Variants in HERC4 observed in about 807,000 individuals in gnomAD.
HERC4 encodes the protein HECT and RLD domain containing E3 ubiquitin protein ligase 4, also known as probable E3 ubiquitin-protein ligase HERC4.
HERC4 carries 28 observed loss-of-function variants against 124.3 expected under a neutral mutation model. That is an observed-to-expected ratio of 0.23 (90% CI 0.17 to 0.31). The LOEUF (loss-of-function observed/expected upper bound fraction) is 0.31, where lower values mean the gene tolerates loss of function less well. Ranked by LOEUF, HERC4 falls within the 10% of genes least tolerant of loss-of-function variation. The pLI is 1.00. For missense variants in HERC4, 713 were observed against 1,229.3 expected (o/e 0.58, Z 6.28); for synonymous variants, 407 against 421.5 (o/e 0.97, Z 0.42).
chr10:67,976,594 CA>C (rs1189722728), intron 15 of HERC4, among the ~76,000 whole-genome samples: 43 of 152,150 alleles, frequency 2.8e-4, no homozygotes, highest in Non-Finnish European at 1.0e-4. Context: ...TCCTGAGAAC[CA>C]AAAATCAGGT....
intron 14 of HERC4, among the ~76,000 whole-genome samples, chr10:67,989,263 A>C (rs2036427433): frequency 6.6e-6 from 1 of 152,078 alleles, no homozygotes; most frequent in South Asian, 2.1e-4. Context: ...TATGGTTGAA[A>C]TATTGTGAAC....
intron 3 of HERC4, among the ~76,000 whole-genome samples, chr10:68,072,354 A>G (rs927510507): frequency 1.3e-5 from 2 of 152,240 alleles, no homozygotes; most frequent in African/African-American, 4.8e-5. Context: ...GCAATGCTAC[A>G]GAAAGTAGAA....
chr10:68,035,819 C>A (rs1339307721), intron 5 of HERC4, among the ~76,000 whole-genome samples: 1 of 152,210 alleles, frequency 6.6e-6, no homozygotes, highest in Non-Finnish European at 1.5e-5. Context: ...TCTCTCCCAG[C>A]AGGAGCCTTC....
intron 15 of HERC4, among the ~76,000 whole-genome samples, chr10:67,981,866 G>C (rs562186284): frequency 3.9e-5 from 6 of 152,154 alleles, no homozygotes; most frequent in African/African-American, 1.2e-4. Flanking sequence ...ACTTGAATCG[G>C]GGGGGTGGAG....
At chr10:68,039,032 C>G (rs2039621700) in intron 4 of HERC4, among the ~76,000 whole-genome samples, 1 of 151,502 alleles carries the variant, frequency 6.6e-6, no homozygotes, top group South Asian at 2.1e-4. Context: ...ATGCGGATTA[C>G]AGGTGGGTTA....
rs59169970 is a variant in HERC4 at position 68,061,532 on chromosome 10, CAAAAAAA to C, written c.226+11344_226+11350del. On this transcript the variant is annotated intron_variant, in intron 3 of 24. Transcript: ENST00000373700. ...TGGGCGACAGAGCAAGACTCCGTCT[CAAAAAAA>C]AAAAAAAAAAAAAAAAAAAAAGGAA... Among the ~76,000 whole-genome samples the C allele has an allele frequency of 4.7e-3, 66 of 13,970 alleles. No individual in the cohort carries two copies. The South Asian group carries it at 0.097, about 20-fold the overall frequency. The allele number at this position is 13,970 out of a possible 152,430, so 9.2% of individuals were successfully genotyped here. A position where few individuals can be genotyped will look rare whatever the true frequency, so the allele number is the denominator to read the frequency against.
intron 15 of HERC4, among the ~76,000 whole-genome samples, chr10:67,982,141 A>C (rs935468169): frequency 1.3e-5 from 2 of 152,132 alleles, no homozygotes. Context: ...ACCACAAAAG[A>C]CCCAGAATAG....
rs2039896959 is a variant in HERC4, at chr10:68,043,910, T to C, written c.386+494A>G. ...GCTTATTTTTTAATTGTGAAATAATTATATGATGAATTAATTAAATTGGGC... is the reference window on the plus strand; with the variant it reads ...GCTTATTTTTTAATTGTGAAATAATCATATGATGAATTAATTAAATTGGGC... On this transcript the variant is annotated intron_variant, in intron 4 of 24. Transcript: ENST00000373700. Among the ~76,000 whole-genome samples, 4 of 152,168 alleles carry C rather than the reference T, an allele frequency of 2.6e-5. 1 individual carries two copies. In the South Asian group the frequency reaches 8.3e-4, roughly 31 times the overall value.
intron 4 of HERC4, chr10:68,039,584 T>C: frequency 6.6e-7 from 1 of 1,507,106 alleles, no homozygotes; most frequent in Non-Finnish European, 8.9e-7. Context: ...GTTATGCTCT[T>C]AACTACAAAA....
At chr10:67,947,947 C>T (rs1169737407) in intron 19 of HERC4, among the ~76,000 whole-genome samples, 1 of 150,844 alleles carries the variant, frequency 6.6e-6, no homozygotes, top group Non-Finnish European at 1.5e-5. Context: ...CCTTGGCCTC[C>T]CAAAGTGGTG....
At chr10:68,050,628 C>T (rs545644149) in intron 3 of HERC4, among the ~76,000 whole-genome samples, 22 of 152,290 alleles carry the variant, frequency 1.4e-4, no homozygotes, top group Non-Finnish European at 2.2e-4. Flanking sequence ...ACTTTTTAGA[C>T]ATCAAATACA....
Position 68,073,075 on chromosome 10 carries a change from G to A in HERC4, c.34C>T (p.Leu12=). The stretch of plus-strand genomic sequence containing the variant: ...TCTTCATCAATTCCACCCAAACCTA[G>A]CTGCCCAAAGGATGCATTTCCCCAG... ...LCWGNASFGQ[L]GLGGIDEEIV... Residue 12 remains leucine (L), a synonymous_variant, in exon 3 of 25, where the codon CTA becomes TTA. Coordinates refer to ENST00000373700, the MANE Select transcript of HERC4 (RefSeq NM_015601.4). 1 of 1,613,854 alleles carries A rather than the reference G, an allele frequency of 6.2e-7. No individual in the cohort carries two copies. The highest frequency in any genetic ancestry group is 8.5e-7 in the Non-Finnish European group (1 of 1,179,910).
chr10:67,942,993 T>A (rs774826210), intron 19 of HERC4, among the ~76,000 whole-genome samples: 1 of 152,252 alleles, frequency 6.6e-6, no homozygotes, highest in Non-Finnish European at 1.5e-5. Context: ...TATGTGCTCA[T>A]GAAATATCTC....
rs77290846 is a variant in HERC4 at position 68,012,998 on chromosome 10, A to G, written c.1069+1028T>C. On this transcript the variant is annotated intron_variant, in intron 9 of 24. Coordinates refer to ENST00000373700, the MANE Select transcript of HERC4 (RefSeq NM_015601.4). ...GGATGCCACAAACCACATCCATATAATAAGAACACAGGCATGCCGCATTTT... is the reference window on the plus strand; with the variant it reads ...GGATGCCACAAACCACATCCATATAGTAAGAACACAGGCATGCCGCATTTT... Among the ~76,000 whole-genome samples the G allele has an allele frequency of 6.0e-3, 910 of 152,334 alleles. 44 individuals carry two copies. The East Asian group carries it at 0.11, about 18-fold the overall frequency.
intron 3 of HERC4, among the ~76,000 whole-genome samples, chr10:68,064,115 CG>C (rs1564615563): frequency 2.6e-5 from 4 of 151,546 alleles, no homozygotes; most frequent in Non-Finnish European, 5.9e-5. Flanking sequence ...TGGTGGCACA[CG>C]CCTGTAATCC....
chr10:67,946,256 A>C (rs1384329102), intron 19 of HERC4, among the ~76,000 whole-genome samples: 3 of 151,674 alleles, frequency 2.0e-5, no homozygotes, highest in South Asian at 2.1e-4. Context: ...TCCAAAAAAA[A>C]AAAAGATGCA....
rs767450699 is a variant in HERC4, at chr10:67,932,645, T to C, written c.2790A>G (p.Gln930=). The part of the protein sequence containing the change: ...VLLLFQPNEL[Q]AMVIGNTNYD... ...AATTTGTATTTCCAATGACCATTGC[T>C]TGTAGTTCATTAGGCTGAAAGAGCA... The change falls in exon 23 of 25, where the codon CAA becomes CAG. Residue 930 remains glutamine, a synonymous_variant. Coordinates refer to ENST00000373700, the MANE Select transcript of HERC4 (RefSeq NM_015601.4). 3.7e-6 allele frequency: 6 copies of C among 1,610,872 alleles called. No individual in the cohort carries two copies.
intron 19 of HERC4, 56 bp from the exon 20 acceptor site, chr10:67,941,161 C>T: frequency 1.6e-6 from 2 of 1,243,236 alleles, no homozygotes; most frequent in South Asian, 3.4e-5. Flanking sequence ...ATTAAATTTT[C>T]TAAGATTACA....
rs1191334519 is a variant in HERC4 at position 67,936,162 on chromosome 10, T to A, written c.2645A>T (p.Lys882Ile). 2 of 1,586,938 alleles carry A rather than the reference T, an allele frequency of 1.3e-6. No individual in the cohort carries two copies. The highest frequency in any genetic ancestry group is 2.4e-5 in the South Asian group (2 of 84,888). Residue 882 changes from lysine to isoleucine, a missense_variant, in exon 22 of 25, where the codon AAA becomes ATA. Transcript: ENST00000373700. ...VLNGADTAVN[K>I]QNRQEFVDAY... ...GCTAAAATTCACTTACCGATTTTGT[T>A]TGTTAACAGCTGTGTCTGCACCATT...
Sources: allele counts gnomAD v4.1 joint callset (sites outside exome capture counted in the v4.1 genomes callset), GRCh38; gene constraint gnomAD v4.1.1; transcripts MANE v1.5; gene names NCBI Gene and HGNC (gene_info 2026-07-23, HGNC 2026-07-21).